The following KCNH8 variants were observed in gnomAD, a reference collection of about 807,000 sequenced individuals.
The protein encoded by KCNH8 is potassium voltage-gated channel subfamily H member 8, also known as voltage-gated delayed rectifier potassium channel KCNH8.
KCNH8 carries 70 observed loss-of-function variants against 103.6 expected under a neutral mutation model. The ratio of observed to expected loss-of-function variants is 0.68; its 90% CI spans 0.56 to 0.82. The LOEUF is 0.82. Among genes scored for constraint, KCNH8 ranks in the 40% least tolerant of loss-of-function variants. The pLI is 0.00. For missense variants in KCNH8, 1,217 were observed against 1,329.9 expected (o/e 0.92, Z 1.32); for synonymous variants, 498 against 489.4 (o/e 1.02, Z -0.23).
At chr3:19,324,073 A>G (rs1370473174) in intron 3 of KCNH8, among the ~76,000 whole-genome samples, 2 of 152,126 alleles carry the variant, frequency 1.3e-5, no homozygotes, top group African/African-American at 4.8e-5. Context: ...CCAAGAGATT[A>G]TGTCATTTGT....
At chr3:19,211,932 T>C (rs1010156492) in intron 1 of KCNH8, among the ~76,000 whole-genome samples, 1 of 152,138 alleles carries the variant, frequency 6.6e-6, no homozygotes, top group Non-Finnish European at 1.5e-5. Flanking sequence ...TGTTAATCAC[T>C]GAATTTGGGA....
At chr3:19,289,037 A>C (rs533079948) in intron 3 of KCNH8, among the ~76,000 whole-genome samples, 68 of 152,212 alleles carry the variant, frequency 4.5e-4, no homozygotes, top group Non-Finnish European at 9.0e-4. Context: ...TCTTTTGAGA[A>C]GTGTGGGTTC....
chr3:19,292,030 A>G lies in KCNH8; in HGVS notation c.442+10701A>G, dbSNP rs577500867. ...TCTGCACTCAGTTGCATTTGTGTCA[A>G]TTTTCCAAACATTTTTCACAGCAGT... On this transcript the variant is annotated intron_variant, in intron 3 of 15. Coordinates refer to ENST00000328405, the MANE Select transcript of KCNH8 (RefSeq NM_144633.3). 1.7e-3 allele frequency among the ~76,000 whole-genome samples: 262 copies of G among 152,166 alleles called. 2 individuals are homozygous for G. Among genetic ancestry groups the G allele is most frequent in the African/African-American group, 5.1e-3 (212 of 41,516 alleles).
chr3:19,409,309 G>A (rs1054442894), intron 7 of KCNH8, among the ~76,000 whole-genome samples: 12 of 152,104 alleles, frequency 7.9e-5, no homozygotes, highest in Non-Finnish European at 1.2e-4. Context: ...TTACAGACAA[G>A]CAAGCACTAA....
At chr3:19,331,586 C>A (rs367703361) in intron 3 of KCNH8, among the ~76,000 whole-genome samples, 2 of 152,116 alleles carry the variant, frequency 1.3e-5, no homozygotes, top group Admixed American at 6.6e-5. Context: ...CCACCGTTCC[C>A]GGCCAATTAT....
chr3:19,148,549 ACTCT>A lies in KCNH8; in HGVS notation c.-167_-164del. The A allele has an allele frequency of 1.6e-6, 1 of 642,832 alleles. No homozygotes were observed. The highest frequency in any genetic ancestry group is 2.8e-6 in the Non-Finnish European group (1 of 359,936). The allele number at this position is 642,832 out of a possible 1,614,324, so 39.8% of individuals were successfully genotyped here. ...TCCTGCCACAGCCGGGGCGGCTGGA[ACTCT>A]CTCCCTTTCTCCCTCCATCCTTCCA... On this transcript the variant is annotated 5_prime_UTR_variant, in exon 1 of 16. Transcript: ENST00000328405.
intron 2 of KCNH8, among the ~76,000 whole-genome samples, chr3:19,255,500 T>C (rs1435683563): frequency 6.6e-6 from 1 of 152,094 alleles, no homozygotes; most frequent in Non-Finnish European, 1.5e-5. Context: ...TCCAATATTA[T>C]GTTGAATAGG....
At chr3:19,369,963 G>C (rs774758655) in intron 5 of KCNH8, among the ~76,000 whole-genome samples, 2 of 151,912 alleles carry the variant, frequency 1.3e-5, no homozygotes, top group Non-Finnish European at 2.9e-5. Flanking sequence ...GCTATAAATA[G>C]GTTTTTGTTG....
At chr3:19,215,360 G>C (rs974821064) in intron 1 of KCNH8, among the ~76,000 whole-genome samples, 1 of 152,184 alleles carries the variant, frequency 6.6e-6, no homozygotes, top group African/African-American at 2.4e-5. Flanking sequence ...ACGGGGTAGA[G>C]GCAATTGAAG....
chr3:19,250,697 A>C (rs1326319248), intron 1 of KCNH8, among the ~76,000 whole-genome samples: 22 of 152,182 alleles, frequency 1.4e-4, no homozygotes, highest in African/African-American at 5.3e-4. Context: ...TTCAAAGCCC[A>C]GATGTTTGAT....
chr3:19,432,419 C>T (rs2067136943), intron 7 of KCNH8, among the ~76,000 whole-genome samples: 1 of 152,044 alleles, frequency 6.6e-6, no homozygotes, highest in Non-Finnish European at 1.5e-5. Flanking sequence ...CAGCCTGAAA[C>T]TTTGAGAAAA....
At chr3:19,207,611 T>A (rs1439826392) in intron 1 of KCNH8, among the ~76,000 whole-genome samples, 1 of 152,032 alleles carries the variant, frequency 6.6e-6, no homozygotes, top group Non-Finnish European at 1.5e-5. Context: ...TTAATATATA[T>A]CAAGTCTTTT....
intron 11 of KCNH8, among the ~76,000 whole-genome samples, chr3:19,477,627 T>C (rs1038635459): frequency 1.3e-5 from 2 of 152,038 alleles, no homozygotes; most frequent in Non-Finnish European, 2.9e-5. Context: ...TATGGCCAGG[T>C]GGAAGCAACA....
At chr3:19,321,487 T>C (rs2065349321) in intron 3 of KCNH8, among the ~76,000 whole-genome samples, 1 of 151,972 alleles carries the variant, frequency 6.6e-6, no homozygotes, top group African/African-American at 2.4e-5. Context: ...ATTTGCATGG[T>C]TTTGAGGGTT....
At chr3:19,182,086 A>G (rs1281711466) in intron 1 of KCNH8, among the ~76,000 whole-genome samples, 3 of 152,298 alleles carry the variant, frequency 2.0e-5, no homozygotes, top group Non-Finnish European at 2.9e-5. Context: ...TTTATATACT[A>G]TACTAAAAAA....
chr3:19,521,180 G>T (rs2068965336), intron 15 of KCNH8, among the ~76,000 whole-genome samples: 1 of 151,958 alleles, frequency 6.6e-6, no homozygotes, highest in Admixed American at 6.6e-5. Flanking sequence ...TCTGAAATCT[G>T]GCTGACCCAG....
chr3:19,150,668 T>A (rs2063120041), intron 1 of KCNH8, among the ~76,000 whole-genome samples: 2 of 152,182 alleles, frequency 1.3e-5, no homozygotes, highest in South Asian at 2.1e-4. Flanking sequence ...TTGTGAATAG[T>A]TCTTTTTCTA....
intron 1 of KCNH8, among the ~76,000 whole-genome samples, chr3:19,240,831 T>C (rs1354603812): frequency 2.0e-5 from 3 of 152,026 alleles, no homozygotes; most frequent in Non-Finnish European, 4.4e-5. Context: ...TCCTTTTTTT[T>C]CCCTCTCCAA....
chr3:19,461,086 T>C (rs922442887), intron 11 of KCNH8, among the ~76,000 whole-genome samples: 5 of 152,328 alleles, frequency 3.3e-5, no homozygotes, highest in African/African-American at 1.2e-4. Flanking sequence ...TTACTAATTT[T>C]GTCCAGTTTG....
Sources: gnomAD v4.1 joint callset for allele counts (sites outside exome capture counted in the v4.1 genomes callset) on GRCh38, gnomAD v4.1.1 for gene constraint, MANE v1.5 for transcripts, NCBI Gene and HGNC (gene_info 2026-07-23, HGNC 2026-07-21) for gene names.